CLASRP: variants seen among roughly 807,000 people sequenced by gnomAD.
The protein encoded by CLASRP is CLK4 associating serine/arginine rich protein.
Under a neutral mutation model 99.9 loss-of-function variants are expected in CLASRP, and 52 were observed. That is an observed-to-expected ratio of 0.52 (90% CI 0.42 to 0.66). The LOEUF (loss-of-function observed/expected upper bound fraction) is 0.66. Among genes scored for constraint, CLASRP ranks in the 30% least tolerant of loss-of-function variants. The pLI, the probability that CLASRP is intolerant of heterozygous loss-of-function variation, is 0.00. For missense variants in CLASRP, 848 were observed against 999.2 expected (o/e 0.85, Z 2.04); for synonymous variants, 379 against 373.0 (o/e 1.02, Z -0.18).
chr19:45,043,095 G>A (rs1445191658), intron 2 of CLASRP, among the ~76,000 whole-genome samples: 3 of 151,898 alleles, frequency 2.0e-5, no homozygotes, highest in South Asian at 4.1e-4. Flanking sequence ...TTGGACTTGG[G>A]TGCCATCCCT....
intron 5 of CLASRP, among the ~76,000 whole-genome samples, chr19:45,054,699 C>G (rs1479005254): frequency 6.6e-6 from 1 of 152,154 alleles, no homozygotes; most frequent in Non-Finnish European, 1.5e-5. Flanking sequence ...TCTTGGGATT[C>G]CCTGTGGAGT....
chr19:45,062,674 C>T (rs1474042028), intron 11 of CLASRP, among the ~76,000 whole-genome samples: 1 of 152,202 alleles, frequency 6.6e-6, no homozygotes, highest in Admixed American at 6.5e-5. Context: ...AGCCACCACG[C>T]CCGGCCAATA....
At position 45,060,503 on chromosome 19, in the gene CLASRP, G is replaced by A. The variant is rs749261419; in HGVS notation, c.789+36G>A. The A allele has an allele frequency of 1.9e-6, 3 of 1,613,502 alleles. No homozygotes were observed. Among genetic ancestry groups the A allele is most frequent in the Non-Finnish European group, 2.5e-6 (3 of 1,179,448 alleles). Reference sequence around the variant, plus strand: ...GGCTGGAGTGGAAGGGGACAGGGGTGTGTCACAGGGAGGGCACCCCCTCAC... The same window carrying A: ...GGCTGGAGTGGAAGGGGACAGGGGTATGTCACAGGGAGGGCACCCCCTCAC... On this transcript the variant is annotated intron_variant, in intron 9 of 20. Coordinates refer to ENST00000221455, the MANE Select transcript of CLASRP (RefSeq NM_007056.3). The surrounding 1 kb of genome is among the most constrained non-coding windows in gnomAD (Gnocchi z 4.6).
chr19:45,056,427 C>G (rs752919319), intron 5 of CLASRP, 23 bp from the exon 6 acceptor site: 1 of 1,609,556 alleles, frequency 6.2e-7, no homozygotes, highest in South Asian at 1.1e-5. Context: ...CCACTCTGAC[C>G]TGGGGTCTCT....
At chr19:45,066,603 C>T (rs796171855) in intron 13 of CLASRP, among the ~76,000 whole-genome samples, 17 of 122,178 alleles carry the variant, frequency 1.4e-4, no homozygotes, top group African/African-American at 5.5e-4. Flanking sequence ...CCAGCCTGGG[C>T]GACAGAGAGA....
intron 2 of CLASRP, among the ~76,000 whole-genome samples, chr19:45,044,314 T>C (rs1971873950): frequency 6.6e-6 from 1 of 152,238 alleles, no homozygotes; most frequent in African/African-American, 2.4e-5. Flanking sequence ...CGATAACAGC[T>C]AACGCTGTTG....
Position 45,068,552 on chromosome 19 carries a change from G to C in CLASRP, c.1768+72G>C, listed in dbSNP as rs560966363. On this transcript the variant is annotated intron_variant, in intron 16 of 20. Transcript: ENST00000221455. ...TTGGCAGTGGGAGCAAGGAGACTCA[G>C]CACCACTTTGGGAGGCCTGGCCCTT... 5.9e-6 allele frequency: 7 copies of C among 1,181,202 alleles called. No homozygotes were observed. The African/African-American group carries it at 1.1e-4, about 18-fold the overall frequency. The allele number at this position is 1,181,202 out of a possible 1,614,324, so 73.2% of individuals were successfully genotyped here.
At chr19:45,050,042 G>A (rs113881711) in intron 2 of CLASRP, among the ~76,000 whole-genome samples, 10 of 152,118 alleles carry the variant, frequency 6.6e-5, no homozygotes, top group African/African-American at 1.7e-4. Flanking sequence ...TGAAATAAGC[G>A]GGGGAGCAGA....
intron 2 of CLASRP, among the ~76,000 whole-genome samples, chr19:45,046,714 C>T (rs1467073845): frequency 6.6e-6 from 1 of 152,230 alleles, no homozygotes; most frequent in Non-Finnish European, 1.5e-5. Flanking sequence ...ATCCTAGAGA[C>T]AGGATAATCC....
Position 45,067,444 on chromosome 19 carries a change from G to A in CLASRP, c.1517G>A (p.Arg506His), listed in dbSNP as rs572665509. Reference protein sequence around the residue: ...SSWSLSPSRSRSLTRSRSHSP... With the variant: ...SSWSLSPSRSHSLTRSRSHSP... ...TGGTCCCTCAGCCCGTCCCGCAGTC[G>A]CAGCCTGACTCGCAGCCGCAGCCAT... is the stretch of plus-strand genomic sequence containing the variant. Residue 506 changes from arginine (R) to histidine (H), a missense_variant, in exon 14 of 21, where the codon CGC becomes CAC. Transcript: ENST00000221455. This position sits in a 1 kb window ranked among gnomAD's most constrained non-coding sequence, Gnocchi z 4.9. The A allele has an allele frequency of 1.9e-5, 29 of 1,540,196 alleles. 1 individual carries two copies. Among genetic ancestry groups the A allele is most frequent in the Admixed American group, 1.2e-4 (6 of 51,340 alleles).
intron 1 of CLASRP, chr19:45,039,450 C>G (rs1273269722): frequency 6.6e-6 from 1 of 152,366 alleles, no homozygotes; most frequent in East Asian, 1.9e-4. Context: ...TCCGCCCTTT[C>G]CCGCAAGCCC....
At chr19:45,055,661 C>T (rs1344396387) in intron 5 of CLASRP, among the ~76,000 whole-genome samples, 4 of 152,094 alleles carry the variant, frequency 2.6e-5, no homozygotes, top group Non-Finnish European at 4.4e-5. Flanking sequence ...TGGAGAAACC[C>T]TGTCTGTACT....
At chr19:45,050,342 G>C (rs1972000118) in intron 2 of CLASRP, among the ~76,000 whole-genome samples, 1 of 152,188 alleles carries the variant, frequency 6.6e-6, no homozygotes, top group Non-Finnish European at 1.5e-5. Flanking sequence ...AGAACCACAA[G>C]ATACCACTTC....
chr19:45,070,484 G>C, intron 19 of CLASRP, 53 bp from the exon 20 acceptor site: 2 of 1,565,246 alleles, frequency 1.3e-6, no homozygotes, highest in Non-Finnish European at 1.8e-6. Context: ...GGTCAAGGAA[G>C]AGGCCCTGGC....
rs764059896 is a variant in CLASRP, at chr19:45,064,123, AGCCGCAGCCGCTGCT to A, written c.1026_1040del (p.Ala344_Ala348del). ...GTTTTGGGGGCAGCGATGAGGAGGC[AGCCGCAGCCGCTGCT>A]GCCGCAGCAGCATCAGGAGTCACCA... On this transcript the variant is annotated inframe_deletion, in exon 12 of 21. Transcript: ENST00000221455. 1.9e-6 allele frequency: 3 copies of A among 1,609,830 alleles called. No homozygotes were observed. The highest frequency in any genetic ancestry group is 2.5e-6 in the Non-Finnish European group (3 of 1,179,212).
rs745834223 is a variant in CLASRP at position 45,053,116 on chromosome 19, G to C, written c.318G>C (p.Ser106=). The part of the protein sequence containing the change: ...LLTTISPEQE[S]DERKCNYERY... ...CCTAAAGCTCCCCAGAACAGGAGTC[G>C]GACGAACGGAAGTGTAACTACGAGC... Residue 106 remains serine (S), a synonymous_variant, in exon 5 of 21, where the codon TCG becomes TCC. Coordinates refer to ENST00000221455, the MANE Select transcript of CLASRP (RefSeq NM_007056.3). The C allele has an allele frequency of 8.1e-6, 13 of 1,613,970 alleles. No individual in the cohort carries two copies. Among genetic ancestry groups the C allele is most frequent in the Admixed American group, 3.3e-5 (2 of 59,970 alleles).
Position 45,064,421 on chromosome 19 carries a change from CCGCTCT to C in CLASRP, c.1204_1209del (p.Ser402_Arg403del). ...CCCGCTCCAGCTCTCGCTCCAGCTC[CCGCTCT>C]CGCCGTGGTGGGGGCTACTACCGTT... On this transcript the variant is annotated inframe_deletion, in exon 13 of 21. Coordinates refer to ENST00000221455, the MANE Select transcript of CLASRP (RefSeq NM_007056.3). The C allele has an allele frequency of 6.5e-7, 1 of 1,529,572 alleles. No individual in the cohort carries two copies. The highest frequency in any genetic ancestry group is 8.8e-7 in the Non-Finnish European group (1 of 1,140,296). 94.8% of individuals were successfully genotyped at this position (1,529,572 alleles called of 1,614,324 possible).
intron 13 of CLASRP, among the ~76,000 whole-genome samples, chr19:45,066,943 G>T (rs1443671291): frequency 6.6e-6 from 1 of 152,148 alleles, no homozygotes; most frequent in Non-Finnish European, 1.5e-5. Flanking sequence ...AGGATGAGGT[G>T]GTGGGTGAGG....
At chr19:45,054,612 C>T (rs536615833) in intron 5 of CLASRP, among the ~76,000 whole-genome samples, 1 of 152,320 alleles carries the variant, frequency 6.6e-6, no homozygotes, top group South Asian at 2.1e-4. Context: ...CTGGGATTCT[C>T]CACGTGTCCT....
Sources: allele counts gnomAD v4.1 joint callset (sites outside exome capture counted in the v4.1 genomes callset), GRCh38; gene constraint gnomAD v4.1.1; non-coding constraint Gnocchi (gnomAD v3.1); transcripts MANE v1.5; gene names NCBI Gene and HGNC (gene_info 2026-07-23, HGNC 2026-07-21).